SHROOM2: variants seen among roughly 807,000 people sequenced by gnomAD.
The protein encoded by SHROOM2 is shroom family member 2.
A neutral mutation model predicts 75.9 loss-of-function variants in SHROOM2; 33 were observed. That is an observed-to-expected ratio of 0.43 (90% CI 0.33 to 0.58). The LOEUF is 0.58. Among genes scored for constraint, SHROOM2 ranks in the 20% least tolerant of loss-of-function variants. The pLI, the probability that SHROOM2 is intolerant of heterozygous loss-of-function variation, is 0.04. For synonymous variants in SHROOM2, 655 were observed against 663.6 expected (o/e 0.99, Z 0.20); for missense variants, 1,434 against 1,461.2 (o/e 0.98, Z 0.30).
intron 6 of SHROOM2, among the ~76,000 whole-genome samples, chrX:9,935,978 A>G (rs1219965021): frequency 1.8e-5 from 2 of 111,649 alleles, no homozygotes; most frequent in Non-Finnish European, 3.8e-5. Context: ...CGCTGAGAGC[A>G]GCAGGTGCAG....
At chrX:9,803,971 C>T (rs2083737995) in intron 1 of SHROOM2, among the ~76,000 whole-genome samples, 1 of 111,510 alleles carries the variant, frequency 9.0e-6, no homozygotes, top group Non-Finnish European at 1.9e-5. Context: ...CATCCACAGA[C>T]ATTTTAACGG....
At chrX:9,819,219 A>G in intron 1 of SHROOM2, 1 of 942,682 alleles carries the variant, frequency 1.1e-6, no homozygotes, top group Non-Finnish European at 1.5e-6. Context: ...ACAGAGAACA[A>G]ATTTTTTAAT....
intron 6 of SHROOM2, among the ~76,000 whole-genome samples, chrX:9,936,620 G>T (rs995278512): frequency 9.0e-6 from 1 of 110,982 alleles, no homozygotes; most frequent in Non-Finnish European, 1.9e-5. Flanking sequence ...GTGGTGGGGG[G>T]CTTTGGCCTG....
At chrX:9,946,009 C>T (rs766673700) in intron 9 of SHROOM2, among the ~76,000 whole-genome samples, 3 of 112,781 alleles carry the variant, frequency 2.7e-5, no homozygotes, top group Admixed American at 9.3e-5. Context: ...GCTGTCCTGG[C>T]GCTGGGCTTG....
At chrX:9,819,437 G>A (rs1243084490) in intron 1 of SHROOM2, 2 of 371,690 alleles carry the variant, frequency 5.4e-6, no homozygotes, top group Admixed American at 7.8e-5. Context: ...AATAGAACTG[G>A]TCTGATATGC....
chrX:9,932,959 C>T, intron 6 of SHROOM2, 89 bp downstream of exon 6: 1 of 791,536 alleles, frequency 1.3e-6, no homozygotes, highest in South Asian at 2.6e-5. Flanking sequence ...GTCACCTGGG[C>T]ACCTTGCTTT....
At chrX:9,873,920 CTTAGAG>C in intron 2 of SHROOM2, 117 bp downstream of exon 2, 1 of 776,565 alleles carries the variant, frequency 1.3e-6, no homozygotes, top group East Asian at 3.4e-5. Flanking sequence ...GGGACATGCA[CTTAGAG>C]TTATATGTCT....
chrX:9,854,771 T>G (rs1372245790), intron 1 of SHROOM2, among the ~76,000 whole-genome samples: 1 of 110,848 alleles, frequency 9.0e-6, no homozygotes, highest in Non-Finnish European at 1.9e-5. Flanking sequence ...ATATTTAAAT[T>G]GGGATTGTAC....
At position 9,860,134 on chromosome X, in the gene SHROOM2, G is replaced by A. The variant is rs187385194; in HGVS notation, c.166-13518G>A. Among the ~76,000 whole-genome samples the A allele has an allele frequency of 2.4e-3, 270 of 111,688 alleles. 1 individual carries two copies. The highest frequency in any genetic ancestry group is 3.8e-3 in the Non-Finnish European group (203 of 53,095). On this transcript the variant is annotated intron_variant, in intron 1 of 9. Coordinates refer to ENST00000380913, the MANE Select transcript of SHROOM2 (RefSeq NM_001649.4). ...AATTGGTCACAACTCGGGGCAGGAG[G>A]GTGCTACTGGCTTCTAGTGGGTAGA...
Position 9,932,546 on chromosome X carries a change from G to A in SHROOM2, c.3263G>A (p.Gly1088Asp), listed in dbSNP as rs61744805. The change falls in exon 6 of 10, where the codon GGC (glycine) becomes GAC (aspartate). Residue 1088 changes from glycine (G) to aspartate (D), a missense_variant. By Grantham distance (94) the Gly-to-Asp change is moderately conservative. Coordinates refer to ENST00000380913, the MANE Select transcript of SHROOM2 (RefSeq NM_001649.4). ...TDGAPADAPVGVLGRPFPTPS... is the reference protein window; with the variant it reads ...TDGAPADAPVDVLGRPFPTPS... ...GGCGCACCTGCTGACGCCCCCGTGG[G>A]CGTCCTCGGCAGGCCCTTCCCAACG... 8.3e-7 allele frequency: 1 copy of A among 1,211,247 alleles called. No individual in the cohort carries two copies. Among genetic ancestry groups the A allele is most frequent in the Non-Finnish European group, 1.1e-6 (1 of 895,327 alleles).
chrX:9,863,367 T>C (rs779307763), intron 1 of SHROOM2, among the ~76,000 whole-genome samples: 1 of 110,651 alleles, frequency 9.0e-6, no homozygotes, highest in Non-Finnish European at 1.9e-5. Context: ...GTCATGACAC[T>C]CCCTTGGCCT....
chrX:9,840,243 A>T (rs1416818126), intron 1 of SHROOM2, among the ~76,000 whole-genome samples: 2 of 112,535 alleles, frequency 1.8e-5, no homozygotes, highest in African/African-American at 6.5e-5. Context: ...TATGTTAGAA[A>T]ACAAAAATTT....
rs887335901 is a variant in SHROOM2, at chrX:9,932,604, C to A, written c.3321C>A (p.Ala1107=). 12 of 1,210,068 alleles carry A rather than the reference C, an allele frequency of 9.9e-6. No homozygotes were observed. The highest frequency in any genetic ancestry group is 1.3e-5 in the Non-Finnish European group (12 of 895,052). ...CTGCGTCCCTGGATGTGTATGTGGCCCGCCTGTCCCTCTCCCACAGCCCCT... is the reference window on the plus strand; with the variant it reads ...CTGCGTCCCTGGATGTGTATGTGGCACGCCTGTCCCTCTCCCACAGCCCCT... The part of the protein sequence containing the change: ...PSPASLDVYV[A]RLSLSHSPSV... The change falls in exon 6 of 10, where the codon GCC becomes GCA. Residue 1107 remains alanine, a synonymous_variant. Coordinates refer to ENST00000380913, the MANE Select transcript of SHROOM2 (RefSeq NM_001649.4).
chrX:9,918,622 T>G (rs763393447), intron 5 of SHROOM2, among the ~76,000 whole-genome samples: 2 of 112,088 alleles, frequency 1.8e-5, no homozygotes, highest in East Asian at 5.6e-4. Flanking sequence ...CCTGAGTAAC[T>G]GGGACTTTAG....
In SHROOM2 at chrX:9,895,196, C is replaced by T. The variant is rs2084319352; in HGVS notation, c.1288C>T (p.Pro430Ser). The change falls in exon 4 of 10, where the codon CCC (proline) becomes TCC (serine). Residue 430 changes from proline (P) to serine (S), a missense_variant. Coordinates refer to ENST00000380913, the MANE Select transcript of SHROOM2 (RefSeq NM_001649.4). ...PQSPHSGRHP[P>S]LYSDHSPLCA... The stretch of plus-strand genomic sequence containing the variant: ...GTCTCCTCATAGCGGCCGACACCCT[C>T]CCCTATACAGCGACCACAGCCCCCT... 1 of 1,211,029 alleles carries T rather than the reference C, an allele frequency of 8.3e-7. No homozygotes were observed. The highest frequency in any genetic ancestry group is 1.1e-6 in the Non-Finnish European group (1 of 895,096).
chrX:9,804,724 A>C (rs1365162030), intron 1 of SHROOM2, among the ~76,000 whole-genome samples: 1 of 111,467 alleles, frequency 9.0e-6, no homozygotes, highest in East Asian at 2.8e-4. Flanking sequence ...CAGACCTCTG[A>C]AAATTGGGAG....
intron 1 of SHROOM2, among the ~76,000 whole-genome samples, chrX:9,799,353 A>T (rs1169852284): frequency 2.8e-5 from 3 of 108,237 alleles, no homozygotes; most frequent in Non-Finnish European, 5.7e-5. Flanking sequence ...TTTAGTGGAG[A>T]TGGGGTTTCG....
At chrX:9,792,069 T>G (rs1386744428) in intron 1 of SHROOM2, among the ~76,000 whole-genome samples, 2 of 8,930 alleles carry the variant, frequency 2.2e-4, no homozygotes, top group Admixed American at 3.3e-3. Context: ...TAGAATAGAA[T>G]AGAATAGAAT....
intron 1 of SHROOM2, among the ~76,000 whole-genome samples, chrX:9,798,833 A>G (rs2083707998): frequency 8.9e-6 from 1 of 112,140 alleles, no homozygotes; most frequent in African/African-American, 3.2e-5. Context: ...CATTTTCATT[A>G]TGTTTAGATG....
Sources: allele counts gnomAD v4.1 joint callset (sites outside exome capture counted in the v4.1 genomes callset), GRCh38; gene constraint gnomAD v4.1.1; transcripts MANE v1.5; gene names NCBI Gene and HGNC (gene_info 2026-07-23, HGNC 2026-07-21).